The following AQR variants were observed in gnomAD, a reference collection of about 807,000 sequenced individuals.
AQR encodes RNA helicase aquarius.
AQR carries 61 observed loss-of-function variants against 180.5 expected under a neutral mutation model. That is an observed-to-expected ratio of 0.34 (90% CI 0.28 to 0.42). The LOEUF is 0.42. Ranked by LOEUF, AQR falls within the 10% of genes least tolerant of loss-of-function variation. The pLI, the probability that AQR is intolerant of heterozygous loss-of-function variation, is 1.00. For missense variants in AQR, 1,281 were observed against 1,798.3 expected, an observed-to-expected ratio of 0.71 and a Z score of 5.20; for synonymous variants, 551 against 588.8, an observed-to-expected ratio of 0.94 and a Z score of 0.93.
At chr15:34,861,508 C>T (rs766776539) in intron 33 of AQR, among the ~76,000 whole-genome samples, 4 of 152,140 alleles carry the variant, frequency 2.6e-5, no homozygotes, top group Non-Finnish European at 5.9e-5. Flanking sequence ...GTTTCCAAGC[C>T]TTCTGTTCAG....
chr15:34,963,875 G>GC (rs397686316), intron 2 of AQR, among the ~76,000 whole-genome samples: 3 of 9,368 alleles, frequency 3.2e-4, no homozygotes, highest in Admixed American at 6.3e-4. Context: ...GTGTTGGTCA[G>GC]ATGGTCTCGA....
intron 15 of AQR, among the ~76,000 whole-genome samples, chr15:34,916,490 T>C (rs1196284267): frequency 6.6e-6 from 1 of 151,922 alleles, no homozygotes; most frequent in Non-Finnish European, 1.5e-5. Context: ...GTACAAAAAT[T>C]TAACATTATT....
In AQR at chr15:34,853,458, T is replaced by C. The variant is rs1341636530; in HGVS notation, c.*3334A>G. The C allele has an allele frequency of 1.3e-5, 2 of 152,174 alleles. No homozygotes were observed. Among genetic ancestry groups the C allele is most frequent in the Non-Finnish European group, 2.9e-5 (2 of 68,040 alleles). The allele number at this position is 152,174 out of a possible 1,614,324, so 9.4% of individuals were successfully genotyped here. A position where few individuals can be genotyped will look rare whatever the true frequency, so the allele number is the denominator to read the frequency against. ...AAAGACCTAATGTCTTCCTTCTGCT[T>C]ATACTGTTCTGACAGAATTTTAATT... is the stretch of plus-strand genomic sequence containing the variant. On this transcript the variant is annotated 3_prime_UTR_variant, in exon 35 of 35. Transcript: ENST00000156471.
chr15:34,965,981 C>CT (rs1039012688), intron 1 of AQR, among the ~76,000 whole-genome samples: 4 of 152,178 alleles, frequency 2.6e-5, no homozygotes, highest in African/African-American at 9.7e-5. Context: ...TGTCTCTTCT[C>CT]TGAGTTTCTC....
chr15:34,874,070 G>T, intron 29 of AQR, 71 bp from the exon 30 acceptor site: 1 of 1,353,694 alleles, frequency 7.4e-7, no homozygotes, highest in South Asian at 2.1e-5. Flanking sequence ...TATACATAAG[G>T]AGGTTTCTGT....
At chr15:34,936,949 T>C (rs971822207) in intron 9 of AQR, among the ~76,000 whole-genome samples, 1 of 152,208 alleles carries the variant, frequency 6.6e-6, no homozygotes, top group Non-Finnish European at 1.5e-5. Context: ...AAACCCAATC[T>C]TAGTCCTCTT....
chr15:34,967,037 C>T lies in AQR; in HGVS notation c.75+2502G>A, dbSNP rs191184082. On this transcript the variant is annotated intron_variant, in intron 1 of 34. Coordinates refer to ENST00000156471, the MANE Select transcript of AQR (RefSeq NM_014691.3). ...GATTACAGGCATGCACCACCACGTC[C>T]GGCTAATTTTGTATTTTTAGTAGAG... Among the ~76,000 whole-genome samples, 915 of 151,878 alleles carry T rather than the reference C, an allele frequency of 6.0e-3. 6 individuals are homozygous for T. Among genetic ancestry groups the T allele is most frequent in the Non-Finnish European group, 0.01 (680 of 67,948 alleles).
intron 27 of AQR, among the ~76,000 whole-genome samples, chr15:34,880,184 A>T (rs11855784): frequency 0.7 from 107,133 of 152,120 alleles, 40,133 homozygotes; most frequent in South Asian, 0.84. Context: ...CTAGAAATCT[A>T]TACCTAGCCA....
chr15:34,937,418 C>T (rs11858672), intron 9 of AQR, among the ~76,000 whole-genome samples: 67,027 of 152,038 alleles, frequency 0.44, 17,836 homozygotes, highest in Non-Finnish European at 0.6. Flanking sequence ...CTCACTGAAT[C>T]GTAGCTAAGA....
intron 3 of AQR, among the ~76,000 whole-genome samples, chr15:34,955,580 A>G (rs1488478058): frequency 6.6e-6 from 1 of 152,204 alleles, no homozygotes; most frequent in Admixed American, 6.5e-5. Context: ...TGTTAAGCAG[A>G]TGATTAAAAC....
chr15:34,890,884 G>A (rs890139728), intron 23 of AQR, among the ~76,000 whole-genome samples: 10 of 152,168 alleles, frequency 6.6e-5, no homozygotes, highest in Non-Finnish European at 4.4e-5. Context: ...CTTTCTATCT[G>A]TGAAATGTTC....
Position 34,968,419 on chromosome 15 carries a change from A to AT in AQR, c.75+1119dup, listed in dbSNP as rs1160660984. 3.3e-5 allele frequency among the ~76,000 whole-genome samples: 5 copies of AT among 150,646 alleles called. No individual in the cohort carries two copies. In the South Asian group the frequency reaches 6.3e-4, roughly 19 times the overall value. On this transcript the variant is annotated intron_variant, in intron 1 of 34. Coordinates refer to ENST00000156471, the MANE Select transcript of AQR (RefSeq NM_014691.3). ...AGGCACCTGCCACCATGCCCGGCTA[A>AT]TTTTTTTTCTTTTTATTTTTAGTAG...
Position 34,919,791 on chromosome 15 carries a change from G to A in AQR, c.1221+541C>T, listed in dbSNP as rs924018025. ...CACACATCTGTAATACCAGCTACTC[G>A]GGAAGATGAGGCACGAGAATCACTT... is the stretch of plus-strand genomic sequence containing the variant. On this transcript the variant is annotated intron_variant, in intron 14 of 34. Coordinates refer to ENST00000156471, the MANE Select transcript of AQR (RefSeq NM_014691.3). 9.2e-5 allele frequency among the ~76,000 whole-genome samples: 14 copies of A among 152,058 alleles called. 3 individuals are homozygous for A. The highest frequency in any genetic ancestry group is 2.6e-4 in the Admixed American group (4 of 15,250).
intron 23 of AQR, among the ~76,000 whole-genome samples, chr15:34,893,432 C>T (rs1032041370): frequency 6.6e-6 from 1 of 152,112 alleles, no homozygotes; most frequent in Non-Finnish European, 1.5e-5. Context: ...ATGTGAGCCA[C>T]AAACCAGCTG....
chr15:34,911,740 T>C (rs1222592837), intron 16 of AQR, among the ~76,000 whole-genome samples: 1 of 152,180 alleles, frequency 6.6e-6, no homozygotes. Context: ...TCTGTAAGGC[T>C]GCCTTTTCAT....
intron 8 of AQR, among the ~76,000 whole-genome samples, chr15:34,940,616 C>A (rs1894009028): frequency 6.6e-6 from 1 of 152,064 alleles, no homozygotes; most frequent in Non-Finnish European, 1.5e-5. Context: ...AATTGAGAAC[C>A]ATCCATGAGG....
At chr15:34,890,095 T>A (rs1330862475) in intron 24 of AQR, 120 bp downstream of exon 24, 3 of 825,832 alleles carry the variant, frequency 3.6e-6, no homozygotes, top group Non-Finnish European at 5.5e-6. Flanking sequence ...CTTAGTAAGT[T>A]AAGTTAGAAC....
chr15:34,874,676 C>T lies in AQR; in HGVS notation c.3425+1G>A. 6.2e-7 allele frequency: 1 copy of T among 1,612,648 alleles called. No homozygotes were observed. The highest frequency in any genetic ancestry group is 8.5e-7 in the Non-Finnish European group (1 of 1,179,320). On this transcript the variant is annotated splice_donor_variant, in intron 29 of 34. Transcript: ENST00000156471. LOFTEE classifies it high-confidence loss of function. The stretch of plus-strand genomic sequence containing the variant: ...ATGATTTTTTTTCCTGTCTCTTTTA[C>T]CTTGCTCTGGCTCTCCCTTGAGCAT...
chr15:34,948,803 A>T (rs1039570929), intron 4 of AQR, among the ~76,000 whole-genome samples: 1 of 151,944 alleles, frequency 6.6e-6, no homozygotes. Flanking sequence ...TCTCAAAAAA[A>T]AAAAAAAAAA....
Sources: gnomAD v4.1 joint callset for allele counts (sites outside exome capture counted in the v4.1 genomes callset) on GRCh38, gnomAD v4.1.1 for gene constraint, MANE v1.5 for transcripts, NCBI Gene and HGNC (gene_info 2026-07-23, HGNC 2026-07-21) for gene names.